The following LRP2 variants were observed in gnomAD, a reference collection of about 807,000 sequenced individuals.
LRP2 encodes the protein low-density lipoprotein receptor-related protein 2.
A neutral mutation model predicts 531.0 loss-of-function variants in LRP2; 172 were observed. The ratio of observed to expected loss-of-function variants is 0.32; its 90% CI spans 0.29 to 0.37. LRP2 has a LOEUF of 0.37. Ranked by LOEUF, LRP2 falls within the 10% of genes least tolerant of loss-of-function variation. LRP2 has a pLI of 1.00. For synonymous variants in LRP2, 1,992 were observed against 2,027.6 expected (o/e 0.98, Z 0.47); for missense variants, 5,167 against 5,868.3 (o/e 0.88, Z 3.90).
intron 6 of LRP2, 142 bp from the exon 7 acceptor site, chr2:169,292,511 T>G: frequency 1.5e-6 from 1 of 667,432 alleles, no homozygotes; most frequent in Non-Finnish European, 2.7e-6. Flanking sequence ...TGACAAAAAT[T>G]TTTAAAAAGG....
intron 1 of LRP2, among the ~76,000 whole-genome samples, chr2:169,345,904 C>T (rs1048344447): frequency 3.3e-5 from 5 of 152,180 alleles, no homozygotes; most frequent in South Asian, 2.1e-4. Context: ...TGTCTTTGAT[C>T]CACCAATGTG....
chr2:169,318,998 G>A, intron 2 of LRP2, 114 bp from the exon 3 acceptor site: 1 of 1,336,548 alleles, frequency 7.5e-7, no homozygotes, highest in South Asian at 1.2e-5. Flanking sequence ...TTTATTTGAA[G>A]GCAAATAGTA....
chr2:169,243,484 G>A lies in LRP2; in HGVS notation c.3469C>T (p.Pro1157Ser). 6.2e-7 allele frequency: 1 copy of A among 1,614,006 alleles called. No individual in the cohort carries two copies. Among genetic ancestry groups the A allele is most frequent in the Non-Finnish European group, 8.5e-7 (1 of 1,179,976 alleles). ...ETCQPSQFNC[P>S]NHRCIDLSFV... ...GATAGGTCAATACATCGATGATTGG[G>A]GCAATTAAACTGACTAGGTTGGCAT... The change falls in exon 23 of 79, where the codon CCC becomes TCC. Residue 1157 changes from proline to serine, a missense_variant. Pro to Ser is a moderately conservative substitution (Grantham distance 74). Around this residue, in one of 6 missense-constraint regions of LRP2, gnomAD observed 2,811 missense variants for 3,058.0 expected, o/e 0.92. Coordinates refer to ENST00000649046, the MANE Select transcript of LRP2 (RefSeq NM_004525.3).
intron 69 of LRP2, 111 bp downstream of exon 69, chr2:169,146,628 A>T (rs1421385572): frequency 3.4e-6 from 3 of 880,376 alleles, no homozygotes; most frequent in African/African-American, 1.7e-5. Flanking sequence ...TATCTAAAAA[A>T]CTATATAAGC....
intron 43 of LRP2, 22 bp downstream of exon 43, chr2:169,202,734 A>G (rs1158802772): frequency 1.2e-6 from 2 of 1,613,330 alleles, no homozygotes; most frequent in Non-Finnish European, 1.7e-6. Context: ...CTCCTACCAA[A>G]AGCGCCAAGA....
chr2:169,171,130 T>G (rs1686989952), intron 58 of LRP2, among the ~76,000 whole-genome samples: 1 of 152,032 alleles, frequency 6.6e-6, no homozygotes, highest in Admixed American at 6.5e-5. Context: ...ACATTGACTT[T>G]TATTAATAAA....
intron 29 of LRP2, among the ~76,000 whole-genome samples, chr2:169,234,551 G>T (rs62172639): frequency 4.6e-4 from 70 of 152,306 alleles, no homozygotes; most frequent in African/African-American, 1.6e-3. Flanking sequence ...TTAGTTCCAA[G>T]TCTTTGCTAT....
At chr2:169,243,623 T>C in intron 22 of LRP2, 101 bp from the exon 23 acceptor site, 1 of 1,387,822 alleles carries the variant, frequency 7.2e-7, no homozygotes, top group Admixed American at 1.7e-5. Context: ...TTATCTCAAT[T>C]GTACATGGGT....
In LRP2 at chr2:169,226,552, A is replaced by G. The variant is rs1245025277; in HGVS notation, c.5264T>C (p.Ile1755Thr). The change falls in exon 32 of 79, where the codon ATA becomes ACA. Residue 1755 changes from isoleucine (I) to threonine (T), a missense_variant. By Grantham distance (89) the Ile-to-Thr change is moderately conservative (BLOSUM62 -1). Transcript: ENST00000649046. ...QPFLITVRQH[I>T]IFGISLNPEV... Reference sequence around the variant, plus strand: ...AGGATTAAGGGAGATTCCAAAAATTATATGTTGCCTTACAGTTATTAAGAA... The same window carrying G: ...AGGATTAAGGGAGATTCCAAAAATTGTATGTTGCCTTACAGTTATTAAGAA... 5.6e-6 allele frequency: 9 copies of G among 1,612,972 alleles called. No homozygotes were observed. Among genetic ancestry groups the G allele is most frequent in the Non-Finnish European group, 6.8e-6 (8 of 1,179,170 alleles).
chr2:169,219,816 AT>A (rs1004757814), intron 34 of LRP2, among the ~76,000 whole-genome samples: 1 of 142,812 alleles, frequency 7.0e-6, no homozygotes, highest in African/African-American at 2.6e-5. Context: ...AAAAGTTGAA[AT>A]TTTTTAAAAA....
chr2:169,200,375 C>T (rs970040434), intron 44 of LRP2, among the ~76,000 whole-genome samples: 1 of 152,064 alleles, frequency 6.6e-6, no homozygotes, highest in African/African-American at 2.4e-5. Flanking sequence ...TTTCTAAGTA[C>T]CACAAAGGGA....
chr2:169,359,251 G>A lies in LRP2; in HGVS notation c.79+3070C>T, dbSNP rs78596216. On this transcript the variant is annotated intron_variant, in intron 1 of 78. Coordinates refer to ENST00000649046, the MANE Select transcript of LRP2 (RefSeq NM_004525.3). ...AAGCCATCTGAGCTATGCAAAGTTG[G>A]TTGACTTTCCCAAGGTCACACAGCT... 7.1e-4 allele frequency among the ~76,000 whole-genome samples: 108 copies of A among 152,222 alleles called. 2 individuals carry two copies. The East Asian group carries it at 0.019, about 26-fold the overall frequency.
chr2:169,237,350 T>G, intron 27 of LRP2, 63 bp from the exon 28 acceptor site: 1 of 1,263,998 alleles, frequency 7.9e-7, no homozygotes, highest in Non-Finnish European at 1.1e-6. Flanking sequence ...AACATGGATA[T>G]TATATAAAAA....
chr2:169,191,449 G>C (rs1042050877), intron 48 of LRP2, among the ~76,000 whole-genome samples: 12 of 152,118 alleles, frequency 7.9e-5, no homozygotes, highest in African/African-American at 2.7e-4. Context: ...CTGGCCCTCT[G>C]TGCAAGGCCA....
intron 65 of LRP2, among the ~76,000 whole-genome samples, chr2:169,155,599 C>G (rs999433632): frequency 6.6e-6 from 1 of 152,150 alleles, no homozygotes; most frequent in Non-Finnish European, 1.5e-5. Context: ...AATAAAGACC[C>G]ATGCCTCTTA....
intron 16 of LRP2, among the ~76,000 whole-genome samples, chr2:169,265,681 G>A (rs1233270418): frequency 6.6e-6 from 1 of 151,968 alleles, no homozygotes; most frequent in Non-Finnish European, 1.5e-5. Flanking sequence ...AAGATGGAGA[G>A]CAAAATAAAA....
chr2:169,289,731 C>T (rs527548288), intron 8 of LRP2, among the ~76,000 whole-genome samples: 3 of 152,204 alleles, frequency 2.0e-5, no homozygotes, highest in South Asian at 4.2e-4. Context: ...AGAATAAGCC[C>T]TAGAAATATT....
At chr2:169,277,260 T>C (rs1297701023) in intron 13 of LRP2, among the ~76,000 whole-genome samples, 1 of 151,132 alleles carries the variant, frequency 6.6e-6, no homozygotes, top group East Asian at 1.9e-4. Context: ...TATCTTTGTA[T>C]ACCAGGTAAA....
intron 1 of LRP2, among the ~76,000 whole-genome samples, chr2:169,327,120 T>A (rs1455072758): frequency 1.5e-5 from 2 of 134,340 alleles, no homozygotes; most frequent in Non-Finnish European, 3.3e-5. Context: ...AGCCGCCCCA[T>A]CCGGGAGGGA....
Sources: allele counts gnomAD v4.1 joint callset (sites outside exome capture counted in the v4.1 genomes callset), GRCh38; gene constraint gnomAD v4.1.1; regional missense constraint gnomAD v4.1.1; transcripts MANE v1.5; gene names NCBI Gene and HGNC (gene_info 2026-07-23, HGNC 2026-07-21).